Variants in TBL1X observed in about 807,000 individuals in gnomAD.
TBL1X encodes transducin beta like 1 X-linked, also known as F-box-like/WD repeat-containing protein TBL1X.
A neutral mutation model predicts 50.7 loss-of-function variants in TBL1X; 10 were observed. The ratio of observed to expected loss-of-function variants is 0.20; its 90% CI spans 0.12 to 0.33. The LOEUF is 0.33. Ranked by LOEUF, TBL1X falls within the 10% of genes least tolerant of loss-of-function variation. The pLI, the probability that TBL1X is intolerant of heterozygous loss-of-function variation, is 1.00. For synonymous variants in TBL1X, 190 were observed against 214.7 expected (o/e 0.88, Z 1.01); for missense variants, 340 against 504.4 (o/e 0.67, Z 3.12).
chrX:9,629,952 C>T (rs935754210), intron 2 of TBL1X, among the ~76,000 whole-genome samples: 2 of 111,155 alleles, frequency 1.8e-5, no homozygotes, highest in African/African-American at 6.6e-5. Context: ...ATGTCTACTA[C>T]CCCCGTCCAA....
At chrX:9,609,827 G>A (rs1169589261) in intron 2 of TBL1X, among the ~76,000 whole-genome samples, 1 of 112,057 alleles carries the variant, frequency 8.9e-6, no homozygotes, top group Non-Finnish European at 1.9e-5. Context: ...AATTCCTAAC[G>A]AGGTGGAATA....
At chrX:9,683,833 C>A in intron 5 of TBL1X, 1 of 479,304 alleles carries the variant, frequency 2.1e-6, no homozygotes, top group Admixed American at 3.3e-5. Context: ...CAATCCTGGT[C>A]TTCCTGGGTC....
intron 5 of TBL1X, among the ~76,000 whole-genome samples, chrX:9,677,808 G>A (rs1295673648): frequency 8.9e-6 from 1 of 111,782 alleles, no homozygotes; most frequent in Non-Finnish European, 1.9e-5. Context: ...GGTTTTGTTG[G>A]CACTGTAAGG....
At chrX:9,670,566 G>C (rs2082955186) in intron 5 of TBL1X, among the ~76,000 whole-genome samples, 1 of 112,045 alleles carries the variant, frequency 8.9e-6, no homozygotes, top group African/African-American at 3.2e-5. Context: ...CCATTGGGTG[G>C]TTACATTACT....
chrX:9,637,482 A>G (rs1276642385), intron 2 of TBL1X: 1 of 112,174 alleles, frequency 8.9e-6, no homozygotes, highest in Non-Finnish European at 1.9e-5. Flanking sequence ...TCATTAAGCT[A>G]ACTTTAATCA....
chrX:9,605,134 A>G (rs1050044836), intron 2 of TBL1X, among the ~76,000 whole-genome samples: 3 of 110,436 alleles, frequency 2.7e-5, no homozygotes, highest in Non-Finnish European at 1.9e-5. Flanking sequence ...CATGTCACCC[A>G]GGTGACATGA....
intron 2 of TBL1X, chrX:9,637,487 TAATC>T (rs769137607): frequency 1.8e-5 from 2 of 112,151 alleles, no homozygotes; most frequent in East Asian, 5.6e-4. Flanking sequence ...AAGCTAACTT[TAATC>T]AAGTATGTGT....
intron 13 of TBL1X, among the ~76,000 whole-genome samples, chrX:9,706,595 A>G (rs987793369): frequency 2.7e-5 from 3 of 110,971 alleles, no homozygotes; most frequent in Admixed American, 9.6e-5. Context: ...CCAGGGAACA[A>G]CAATGGGAAC....
rs763940035 is a variant in TBL1X, at chrX:9,698,763, G to C, written c.1114+1334G>C. On this transcript the variant is annotated intron_variant, in intron 12 of 17. Coordinates refer to ENST00000645353, the MANE Select transcript of TBL1X (RefSeq NM_005647.4). The stretch of plus-strand genomic sequence containing the variant: ...ATCTAAAATCTCAGTCGCTAGCCAA[G>C]GGCCGGCCTTGCAAGCAAGCCTCTG... Among the ~76,000 whole-genome samples the C allele has an allele frequency of 3.6e-5, 4 of 112,063 alleles. No individual in the cohort carries two copies. In the South Asian group the frequency reaches 1.1e-3, roughly 31 times the overall value.
intron 5 of TBL1X, among the ~76,000 whole-genome samples, chrX:9,662,275 A>G (rs146010042): frequency 0.018 from 1,973 of 111,638 alleles, 48 homozygotes; most frequent in African/African-American, 0.061. Flanking sequence ...GGAGCAGTAC[A>G]GTGTCCTTTA....
At chrX:9,507,499 GAA>G (rs2082031950) in intron 2 of TBL1X, among the ~76,000 whole-genome samples, 1 of 112,249 alleles carries the variant, frequency 8.9e-6, no homozygotes, top group South Asian at 3.7e-4. Context: ...TCAGTATCAT[GAA>G]AAGGGCCATA....
chrX:9,469,478 T>C (rs1368064928), intron 1 of TBL1X, among the ~76,000 whole-genome samples: 1 of 112,728 alleles, frequency 8.9e-6, no homozygotes, highest in Non-Finnish European at 1.9e-5. Context: ...AACATGCTTA[T>C]AGTTTCCTGT....
At chrX:9,640,683 T>C (rs1400189493) in intron 3 of TBL1X, among the ~76,000 whole-genome samples, 1 of 111,144 alleles carries the variant, frequency 9.0e-6, no homozygotes, top group African/African-American at 3.3e-5. Context: ...CAGGCTGGAG[T>C]GCAGTGGTGC....
intron 3 of TBL1X, chrX:9,645,121 G>A (rs1037478538): frequency 8.9e-6 from 1 of 112,073 alleles, no homozygotes; most frequent in Non-Finnish European, 1.9e-5. Flanking sequence ...TTGAGACAAG[G>A]TCTTGCTCTG....
chrX:9,689,301 G>C (rs959636636), intron 7 of TBL1X, among the ~76,000 whole-genome samples: 2 of 112,225 alleles, frequency 1.8e-5, no homozygotes, highest in African/African-American at 6.5e-5. Context: ...GGCTGCCTCT[G>C]ATGAGGCTGC....
intron 6 of TBL1X, among the ~76,000 whole-genome samples, chrX:9,685,220 T>C (rs2034950609): frequency 8.9e-6 from 1 of 112,068 alleles, no homozygotes; most frequent in Non-Finnish European, 1.9e-5. Flanking sequence ...GTCTCATGAT[T>C]CTGCAGTGAA....
chrX:9,665,816 G>A (rs1236701555), intron 5 of TBL1X, among the ~76,000 whole-genome samples: 3 of 108,289 alleles, frequency 2.8e-5, no homozygotes, highest in Admixed American at 1.0e-4. Context: ...GCTCTGTTCC[G>A]TGTTACCTGA....
At chrX:9,472,775 T>C (rs1303043646) in intron 1 of TBL1X, among the ~76,000 whole-genome samples, 1 of 109,914 alleles carries the variant, frequency 9.1e-6, no homozygotes. Context: ...TAGCCAGGCA[T>C]GGTGGTGGGC....
At chrX:9,541,226 A>ATGTT (rs1268674431) in intron 2 of TBL1X, among the ~76,000 whole-genome samples, 1 of 111,441 alleles carries the variant, frequency 9.0e-6, no homozygotes, top group Non-Finnish European at 1.9e-5. Flanking sequence ...TATTCATCAA[A>ATGTT]TGTTAGGTAC....
Sources: gnomAD v4.1 joint callset for allele counts (sites outside exome capture counted in the v4.1 genomes callset) on GRCh38, gnomAD v4.1.1 for gene constraint, MANE v1.5 for transcripts, NCBI Gene and HGNC (gene_info 2026-07-23, HGNC 2026-07-21) for gene names.